Variants in C6 observed in about 807,000 individuals in gnomAD.
C6 encodes the protein complement component C6.
C6 carries 101 observed loss-of-function variants against 112.9 expected under a neutral mutation model. That is an observed-to-expected ratio of 0.89 (90% CI 0.76 to 1.06). The LOEUF (loss-of-function observed/expected upper bound fraction) is 1.06, where lower values mean the gene tolerates loss of function less well. Among genes scored for constraint, C6 ranks in the 50% least tolerant of loss-of-function variants. The probability of loss-of-function intolerance (pLI) is 0.00; values close to 1 mark genes in which losing one functional copy is unlikely to be tolerated. For synonymous variants in C6, 431 were observed against 384.1 expected (o/e 1.12, Z -1.43); for missense variants, 1,202 against 1,104.6 (o/e 1.09, Z -1.25).
At chr5:41,222,587 A>G (rs1459839975) in intron 1 of C6, among the ~76,000 whole-genome samples, 1 of 152,184 alleles carries the variant, frequency 6.6e-6, no homozygotes, top group Non-Finnish European at 1.5e-5. Context: ...AAAAGTTTGA[A>G]GAGTTAATTT....
intron 15 of C6, chr5:41,153,026 AGGT>A (rs1307405449): frequency 6.6e-6 from 1 of 152,296 alleles, no homozygotes; most frequent in African/African-American, 2.4e-5. Flanking sequence ...GGGCTAAGGG[AGGT>A]GTCCAGGTCT....
intron 1 of C6, among the ~76,000 whole-genome samples, chr5:41,245,709 G>T (rs1384659464): frequency 1.3e-5 from 2 of 151,456 alleles, no homozygotes; most frequent in African/African-American, 2.4e-5. Context: ...TCTCTTTATT[G>T]TATTAATATA....
At chr5:41,216,856 C>A (rs1580214215), upstream of C6, among the ~76,000 whole-genome samples, 1 of 152,076 alleles carries the variant, frequency 6.6e-6, no homozygotes, top group Non-Finnish European at 1.5e-5. Context: ...AGTAGCACAA[C>A]CCTATTCAAA....
In C6 at chr5:41,201,624, G is replaced by T. The variant is rs1167615198; in HGVS notation, c.234C>A (p.Cys78Ter). ...QETRECNWQR[C>*]PINCLLGDFG... is the part of the protein sequence containing the mutation. ...AATCTCCCAGGAGGCAGTTGATGGG[G>T]CATCTTTGCCAGTTACATTCTCTAG... The change falls in exon 3 of 18, where the codon TGC (cysteine) becomes TGA (stop). Residue 78 changes from cysteine (C) to a stop codon, truncating the protein, a stop_gained. Transcript: ENST00000337836. LOFTEE classifies it high-confidence loss of function. 4 of 1,613,482 alleles carry T rather than the reference G, an allele frequency of 2.5e-6. No homozygotes were observed. In the East Asian group the frequency reaches 8.9e-5, roughly 36 times the overall value.
intron 1 of C6, among the ~76,000 whole-genome samples, chr5:41,253,757 A>G (rs1464192131): frequency 2.6e-5 from 4 of 152,240 alleles, no homozygotes; most frequent in Non-Finnish European, 5.9e-5. Flanking sequence ...ATCAACATCA[A>G]CAATAAAGAA....
chr5:41,179,091 C>CA (rs1180752889), intron 7 of C6, among the ~76,000 whole-genome samples: 1 of 151,754 alleles, frequency 6.6e-6, no homozygotes, highest in Non-Finnish European at 1.5e-5. Context: ...TGAGCTCAGG[C>CA]AATCTGCCCA....
chr5:41,157,763 T>C (rs1747056623), intron 13 of C6, among the ~76,000 whole-genome samples: 1 of 152,212 alleles, frequency 6.6e-6, no homozygotes, highest in Non-Finnish European at 1.5e-5. Flanking sequence ...CCCAATGATC[T>C]GTGTTTTACC....
chr5:41,246,664 C>T (rs1315930786), intron 1 of C6, among the ~76,000 whole-genome samples: 1 of 152,110 alleles, frequency 6.6e-6, no homozygotes, highest in African/African-American at 2.4e-5. Flanking sequence ...CAGTCTAACT[C>T]TAGGCTGTTT....
At chr5:41,208,012 T>C (rs1751577911) in intron 1 of C6, among the ~76,000 whole-genome samples, 1 of 152,090 alleles carries the variant, frequency 6.6e-6, no homozygotes. Flanking sequence ...GAACAGAAAT[T>C]ACAACAAACT....
intron 7 of C6, among the ~76,000 whole-genome samples, chr5:41,179,818 A>G (rs1056744195): frequency 6.6e-6 from 1 of 151,738 alleles, no homozygotes; most frequent in African/African-American, 2.4e-5. Flanking sequence ...AAATAAATGA[A>G]TGAATAAAGA....
intron 1 of C6, among the ~76,000 whole-genome samples, chr5:41,227,268 T>A (rs1250048382): frequency 2.6e-5 from 4 of 152,198 alleles, no homozygotes; most frequent in Admixed American, 2.0e-4. Context: ...TTGAGAAATG[T>A]CTGTTCAGAT....
chr5:41,171,976 A>G (rs1748458062), intron 9 of C6, among the ~76,000 whole-genome samples: 1 of 152,204 alleles, frequency 6.6e-6, no homozygotes, highest in Non-Finnish European at 1.5e-5. Context: ...AGTTCTGTCC[A>G]TGAGCAAAAT....
intron 1 of C6, among the ~76,000 whole-genome samples, chr5:41,249,575 A>G (rs1027204406): frequency 2.3e-4 from 35 of 152,228 alleles, no homozygotes; most frequent in African/African-American, 7.7e-4. Flanking sequence ...TCAGCAAAGC[A>G]TAAGAGAAAT....
chr5:41,160,020 C>T, intron 11 of C6, 122 bp downstream of exon 11: 1 of 784,784 alleles, frequency 1.3e-6, no homozygotes. Context: ...GTTTATCTTC[C>T]CTCTGAGCCT....
intron 1 of C6, among the ~76,000 whole-genome samples, chr5:41,258,655 A>G (rs916055690): frequency 6.6e-6 from 1 of 152,224 alleles, no homozygotes; most frequent in Non-Finnish European, 1.5e-5. Flanking sequence ...TACGTACTGT[A>G]TTAGCCCATT....
intron 9 of C6, among the ~76,000 whole-genome samples, chr5:41,169,245 A>T (rs1466206554): frequency 1.3e-5 from 2 of 152,088 alleles, no homozygotes; most frequent in African/African-American, 4.8e-5. Context: ...TGACTCTAGG[A>T]TACTATCTGG....
At chr5:41,245,518 T>G (rs1324785969) in intron 1 of C6, among the ~76,000 whole-genome samples, 1 of 151,878 alleles carries the variant, frequency 6.6e-6, no homozygotes, top group African/African-American at 2.4e-5. Context: ...AAAAAAAAAT[T>G]TAACAAGATT....
intron 1 of C6, among the ~76,000 whole-genome samples, chr5:41,221,292 A>C (rs1346913267): frequency 6.6e-6 from 1 of 152,168 alleles, no homozygotes; most frequent in African/African-American, 2.4e-5. Flanking sequence ...GCTTTAAGCT[A>C]TACATTCTCA....
chr5:41,213,046 T>C (rs1752044483), intron 1 of C6: 1 of 152,190 alleles, frequency 6.6e-6, no homozygotes, highest in Admixed American at 6.6e-5. Context: ...GAAATGAGCC[T>C]TTCTATCTTT....
Sources: allele counts gnomAD v4.1 joint callset (sites outside exome capture counted in the v4.1 genomes callset), GRCh38; gene constraint gnomAD v4.1.1; transcripts MANE v1.5; gene names NCBI Gene and HGNC (gene_info 2026-07-23, HGNC 2026-07-21).